Variants in TTC39B observed in about 807,000 individuals in gnomAD.
TTC39B encodes the protein tetratricopeptide repeat domain 39B.
Under a neutral mutation model 96.6 loss-of-function variants are expected in TTC39B, and 92 were observed. That is an observed-to-expected ratio of 0.95 (90% CI 0.80 to 1.13). The LOEUF is 1.13. Ranked by LOEUF, TTC39B falls within the 50% of genes most tolerant of loss-of-function variation. The pLI, the probability that TTC39B is intolerant of heterozygous loss-of-function variation, is 0.00. For missense variants in TTC39B, 955 were observed against 809.3 expected, an observed-to-expected ratio of 1.18 and a Z score of -2.18; for synonymous variants, 367 against 299.4, an observed-to-expected ratio of 1.23 and a Z score of -2.33.
intron 2 of TTC39B, among the ~76,000 whole-genome samples, chr9:15,234,201 C>T (rs1821632682): frequency 6.6e-6 from 1 of 150,998 alleles, no homozygotes; most frequent in African/African-American, 2.4e-5. Flanking sequence ...ATCCGGCAGC[C>T]ACCCCGTCTG....
chr9:15,293,920 C>T (rs755534458), intron 1 of TTC39B, among the ~76,000 whole-genome samples: 4 of 152,186 alleles, frequency 2.6e-5, no homozygotes, highest in Non-Finnish European at 5.9e-5. Context: ...TACCTCACTT[C>T]CGTTTTCTGC....
At chr9:15,170,353 C>A (rs1022334392) in exon 20 of TTC39B, 50 of 152,116 alleles carry the variant, frequency 3.3e-4, no homozygotes, top group Admixed American at 9.2e-4. Context: ...CATGAATACA[C>A]AGTAAGGTAT....
intron 2 of TTC39B, among the ~76,000 whole-genome samples, chr9:15,260,623 GA>G (rs34331539): frequency 3.9e-4 from 59 of 150,538 alleles, no homozygotes; most frequent in East Asian, 7.9e-4. Context: ...CTAATGAGGG[GA>G]AAAAAAAAAT....
intron 2 of TTC39B, among the ~76,000 whole-genome samples, chr9:15,256,704 A>C (rs893164272): frequency 6.6e-6 from 1 of 152,172 alleles, no homozygotes; most frequent in African/African-American, 2.4e-5. Flanking sequence ...CTGAGAGTGG[A>C]GGATGGCCAG....
exon 20 of TTC39B, chr9:15,166,759 A>C (rs1817524341): frequency 6.6e-6 from 1 of 151,764 alleles, no homozygotes; most frequent in Admixed American, 6.6e-5. Context: ...GACTAGGATA[A>C]GAAATCCTGC....
chr9:15,294,116 T>G (rs1031773259), intron 1 of TTC39B, among the ~76,000 whole-genome samples: 1 of 152,196 alleles, frequency 6.6e-6, no homozygotes, highest in Non-Finnish European at 1.5e-5. Context: ...GCATGTTACT[T>G]TAAAGGCAAT....
chr9:15,255,181 T>G lies in TTC39B; in HGVS notation c.275+12733A>C, dbSNP rs563134076. 5.3e-4 allele frequency among the ~76,000 whole-genome samples: 81 copies of G among 152,264 alleles called. 1 individual carries two copies. Among genetic ancestry groups the G allele is most frequent in the Non-Finnish European group, 7.8e-4 (53 of 68,014 alleles). On this transcript the variant is annotated intron_variant, in intron 2 of 19. Transcript: ENST00000512701. ...ACTTTATACAATAATAAAAGTTATA[T>G]GTAAATCCCCAAATATCTCTTCAGT...
intron 18 of TTC39B, among the ~76,000 whole-genome samples, chr9:15,175,571 C>G (rs1181960011): frequency 1.3e-5 from 2 of 152,112 alleles, no homozygotes; most frequent in Non-Finnish European, 2.9e-5. Context: ...ATGGTCAACA[C>G]TTCTGTTTTC....
chr9:15,285,200 C>T (rs1175405856), intron 1 of TTC39B, among the ~76,000 whole-genome samples: 2 of 150,630 alleles, frequency 1.3e-5, no homozygotes, highest in Non-Finnish European at 2.9e-5. Context: ...ACCCGGGAGG[C>T]GGAGTTTGCA....
chr9:15,226,834 G>A (rs567717170), intron 2 of TTC39B, among the ~76,000 whole-genome samples: 26 of 151,962 alleles, frequency 1.7e-4, no homozygotes, highest in Non-Finnish European at 2.5e-4. Context: ...TTAAGAGTAA[G>A]TCCTGCCCTG....
At chr9:15,220,238 T>A (rs1820770533) in intron 3 of TTC39B, among the ~76,000 whole-genome samples, 1 of 152,078 alleles carries the variant, frequency 6.6e-6, no homozygotes, top group Non-Finnish European at 1.5e-5. Context: ...CCTCAAGAGC[T>A]CCATGGCAAG....
At chr9:15,167,034 T>TTA (rs1564300062) in exon 20 of TTC39B, 1 of 24,236 alleles carries the variant, frequency 4.1e-5, no homozygotes, top group Non-Finnish European at 8.9e-5. Flanking sequence ...ATATATTTTT[T>TTA]TTTTTTTTTT....
intron 2 of TTC39B, among the ~76,000 whole-genome samples, chr9:15,256,904 G>A (rs755858844): frequency 6.6e-6 from 1 of 152,162 alleles, no homozygotes; most frequent in African/African-American, 2.4e-5. Flanking sequence ...GGTAGATTGG[G>A]TCTTCAGCTT....
chr9:15,198,256 A>T (rs770376545), intron 8 of TTC39B, among the ~76,000 whole-genome samples: 4 of 151,566 alleles, frequency 2.6e-5, no homozygotes, highest in Non-Finnish European at 5.9e-5. Context: ...CAGGAGTTCG[A>T]GACCAGCCCG....
At chr9:15,173,602 C>T (rs1416820139) in intron 19 of TTC39B, among the ~76,000 whole-genome samples, 3 of 152,126 alleles carry the variant, frequency 2.0e-5, no homozygotes, top group Non-Finnish European at 4.4e-5. Context: ...CTCTCTTAAT[C>T]TTCTTAATCT....
intron 2 of TTC39B, among the ~76,000 whole-genome samples, chr9:15,247,792 TA>T (rs1822346754): frequency 1.3e-5 from 2 of 150,542 alleles, no homozygotes; most frequent in Non-Finnish European, 2.9e-5. Context: ...TCCTGTTTCA[TA>T]ATAGCATGAT....
chr9:15,201,534 A>G (rs2131309530), intron 7 of TTC39B, among the ~76,000 whole-genome samples: 1 of 152,334 alleles, frequency 6.6e-6, no homozygotes, highest in East Asian at 1.9e-4. Context: ...ACAGGTATAG[A>G]AAGGCAAAGC....
In TTC39B at chr9:15,298,279, G is replaced by A. The variant is rs115450372; in HGVS notation, c.240+8805C>T. On this transcript the variant is annotated intron_variant, in intron 1 of 19. Coordinates refer to ENST00000512701, the Ensembl canonical transcript of TTC39B. ...TTTGAGGCCTCTGTGCTTGGACTGA[G>A]CCACGCTACCAGCCTCTGCAGCTCT... is the stretch of plus-strand genomic sequence containing the variant. 7.8e-3 allele frequency among the ~76,000 whole-genome samples: 1,189 copies of A among 152,242 alleles called. 13 individuals carry two copies. The highest frequency in any genetic ancestry group is 0.027 in the African/African-American group (1,139 of 41,538).
At chr9:15,280,596 G>C (rs971161195) in intron 1 of TTC39B, among the ~76,000 whole-genome samples, 1 of 152,182 alleles carries the variant, frequency 6.6e-6, no homozygotes. Context: ...AACTATGTGT[G>C]GCCCGAACAG....
Sources: gnomAD v4.1 joint callset for allele counts (sites outside exome capture counted in the v4.1 genomes callset) on GRCh38, gnomAD v4.1.1 for gene constraint, MANE v1.5 for transcripts, NCBI Gene and HGNC (gene_info 2026-07-23, HGNC 2026-07-21) for gene names.